B3GAT2: variants seen among roughly 807,000 people sequenced by gnomAD.
The protein encoded by B3GAT2 is galactosylgalactosylxylosylprotein 3-beta-glucuronosyltransferase 2.
In B3GAT2, 26 loss-of-function variants were observed where a neutral mutation model predicts 27.8. The observed-to-expected ratio is 0.93, with a 90% CI of 0.68 to 1.30. The LOEUF (loss-of-function observed/expected upper bound fraction) is 1.30, where lower values mean the gene tolerates loss of function less well. Ranked by LOEUF, B3GAT2 falls within the 50% of genes most tolerant of loss-of-function variation. B3GAT2 has a pLI of 0.00. For missense variants in B3GAT2, 458 were observed against 459.0 expected (o/e 1.00, Z 0.02); for synonymous variants, 218 against 195.1 (o/e 1.12, Z -0.98).
In B3GAT2 at chr6:70,859,179, A is replaced by G. The variant is rs535846663; in HGVS notation, c.*2484T>C. On this transcript the variant is annotated 3_prime_UTR_variant, in exon 4 of 4. Transcript: ENST00000230053. Reference sequence around the variant, plus strand: ...TTTTGCTACCACCATTTACAAGAATATAGGTAAAACATTGGTCTCTACCCG... The same window carrying G: ...TTTTGCTACCACCATTTACAAGAATGTAGGTAAAACATTGGTCTCTACCCG... 3 of 545,068 alleles carry G rather than the reference A, an allele frequency of 5.5e-6. No individual in the cohort carries two copies. The highest frequency in any genetic ancestry group is 3.0e-5 in the East Asian group (1 of 33,274). 33.8% of individuals were successfully genotyped at this position (545,068 alleles called of 1,614,324 possible).
intron 1 of B3GAT2, among the ~76,000 whole-genome samples, chr6:70,933,508 T>C (rs1352502576): frequency 6.6e-6 from 1 of 152,220 alleles, no homozygotes; most frequent in Admixed American, 6.5e-5. Context: ...CTGCAGCTCC[T>C]CTGATAGAAA....
intron 2 of B3GAT2, among the ~76,000 whole-genome samples, chr6:70,885,868 T>G (rs13212642): frequency 0.19 from 29,385 of 152,128 alleles, 3,173 homozygotes; most frequent in East Asian, 0.32. Flanking sequence ...ACAGCCTGTA[T>G]GTGTCAGAGC....
intron 1 of B3GAT2, among the ~76,000 whole-genome samples, chr6:70,933,094 T>C (rs993290196): frequency 5.9e-5 from 9 of 152,204 alleles, no homozygotes; most frequent in African/African-American, 2.2e-4. Context: ...CCACCATGAC[T>C]AGCTGCCATG....
chr6:70,954,240 C>A (rs948123304), intron 1 of B3GAT2, among the ~76,000 whole-genome samples: 2 of 152,152 alleles, frequency 1.3e-5, no homozygotes, highest in African/African-American at 4.8e-5. Context: ...GAGGGGGGAG[C>A]ACTGATGCAG....
In B3GAT2 at chr6:70,861,705, G is replaced by GT; in HGVS notation, c.929dup (p.Asn310LysfsTer13). The GT allele has an allele frequency of 6.2e-7, 1 of 1,613,992 alleles. No individual in the cohort carries two copies. The highest frequency in any genetic ancestry group is 1.1e-5 in the South Asian group (1 of 91,068). On this transcript the variant is annotated frameshift_variant, in exon 4 of 4. Transcript: ENST00000230053. LOFTEE classifies it high-confidence loss of function. Reference sequence around the variant, plus strand: ...CTGTGTCCAGGTGGTACTTTGGCTCGTTGGCTAGATTAACCTTCTCTGTCC... The same window carrying GT: ...CTGTGTCCAGGTGGTACTTTGGCTCGTTTGGCTAGATTAACCTTCTCTGTCC...
chr6:70,894,242 G>A lies in B3GAT2; in HGVS notation c.622C>T (p.Pro208Ser). 6.2e-7 allele frequency: 1 copy of A among 1,609,798 alleles called. No homozygotes were observed. Among genetic ancestry groups the A allele is most frequent in the African/African-American group, 1.3e-5 (1 of 74,806 alleles). ...MRTTRKVSVW[P>S]VGLVGGRRYE... ...CGCCGCCCACCAACCAGGCCCACAGGCCAGACGGAGACCTTGCGGGTGGTT... is the reference window on the plus strand; with the variant it reads ...CGCCGCCCACCAACCAGGCCCACAGACCAGACGGAGACCTTGCGGGTGGTT... The change falls in exon 2 of 4, where the codon CCT becomes TCT. Residue 208 changes from proline (P) to serine (S), a missense_variant. Physicochemically the swap from Pro to Ser is moderately conservative, Grantham distance 74 (BLOSUM62 -1). Coordinates refer to ENST00000230053, the MANE Select transcript of B3GAT2 (RefSeq NM_080742.3).
At chr6:70,874,876 G>T (rs1771988356) in intron 2 of B3GAT2, among the ~76,000 whole-genome samples, 1 of 152,014 alleles carries the variant, frequency 6.6e-6, no homozygotes, top group African/African-American at 2.4e-5. Context: ...CTGCTATGCT[G>T]CTGGTTTTCA....
chr6:70,943,436 C>T (rs982618808), intron 1 of B3GAT2, among the ~76,000 whole-genome samples: 3 of 152,172 alleles, frequency 2.0e-5, no homozygotes, highest in Non-Finnish European at 1.5e-5. Flanking sequence ...GCCCCCAGCT[C>T]CTCTCCTCTG....
At chr6:70,940,116 GA>G (rs974585533) in intron 1 of B3GAT2, among the ~76,000 whole-genome samples, 9 of 151,956 alleles carry the variant, frequency 5.9e-5, no homozygotes, top group Non-Finnish European at 8.8e-5. Flanking sequence ...TCACAGGTAA[GA>G]AGGGGCAACC....
intron 1 of B3GAT2, among the ~76,000 whole-genome samples, chr6:70,925,826 G>C (rs780977931): frequency 2.0e-5 from 3 of 152,184 alleles, no homozygotes; most frequent in Non-Finnish European, 4.4e-5. Flanking sequence ...CTGAGATCTG[G>C]GAATGGACAG....
intron 2 of B3GAT2, among the ~76,000 whole-genome samples, chr6:70,872,839 C>T (rs976506632): frequency 6.6e-6 from 1 of 151,700 alleles, no homozygotes; most frequent in African/African-American, 2.4e-5. Context: ...TGTCATTTAT[C>T]ATTTGAGTTA....
intron 1 of B3GAT2, among the ~76,000 whole-genome samples, chr6:70,945,158 C>T (rs1765458411): frequency 6.6e-6 from 1 of 152,118 alleles, no homozygotes; most frequent in African/African-American, 2.4e-5. Flanking sequence ...CTCTAAAAAG[C>T]AGAGCACCTC....
chr6:70,951,889 A>G (rs910687042), intron 1 of B3GAT2, among the ~76,000 whole-genome samples: 2 of 152,136 alleles, frequency 1.3e-5, no homozygotes, highest in Non-Finnish European at 2.9e-5. Context: ...ACCCAAGAAA[A>G]TCTTCTAGGT....
At chr6:70,930,818 G>C (rs533755999) in intron 1 of B3GAT2, among the ~76,000 whole-genome samples, 4 of 152,262 alleles carry the variant, frequency 2.6e-5, no homozygotes, top group Non-Finnish European at 5.9e-5. Context: ...ATTTGACCCA[G>C]CCATCCCATT....
At chr6:70,897,811 T>C (rs779993710) in intron 1 of B3GAT2, among the ~76,000 whole-genome samples, 3 of 152,064 alleles carry the variant, frequency 2.0e-5, no homozygotes, top group Non-Finnish European at 2.9e-5. Flanking sequence ...GAGGAACTGA[T>C]TGAAGTTCTT....
At chr6:70,916,968 G>A (rs1164902351) in intron 1 of B3GAT2, among the ~76,000 whole-genome samples, 1 of 152,006 alleles carries the variant, frequency 6.6e-6, no homozygotes, top group South Asian at 2.1e-4. Flanking sequence ...GTTTCAGAAG[G>A]AATGGTACTA....
At chr6:70,871,383 A>G (rs1475058599) in intron 2 of B3GAT2, among the ~76,000 whole-genome samples, 1 of 151,792 alleles carries the variant, frequency 6.6e-6, no homozygotes, top group African/African-American at 2.4e-5. Context: ...CCATCTGAAA[A>G]TGGGCTTTTC....
chr6:70,919,594 TC>T (rs1469507942), intron 1 of B3GAT2, among the ~76,000 whole-genome samples: 2 of 152,224 alleles, frequency 1.3e-5, no homozygotes, highest in African/African-American at 2.4e-5. Flanking sequence ...CGTGTGGATG[TC>T]CTTTTTGCTG....
intron 1 of B3GAT2, among the ~76,000 whole-genome samples, chr6:70,904,052 C>T (rs1772555422): frequency 1.3e-5 from 2 of 152,128 alleles, no homozygotes. Context: ...GACTGCTATT[C>T]AGTAAGAGAC....
Sources: allele counts gnomAD v4.1 joint callset (sites outside exome capture counted in the v4.1 genomes callset), GRCh38; gene constraint gnomAD v4.1.1; transcripts MANE v1.5; gene names NCBI Gene and HGNC (gene_info 2026-07-23, HGNC 2026-07-21).